SFI1: variants seen among roughly 807,000 people sequenced by gnomAD.
SFI1 encodes SFI1 centrin binding protein.
Under a neutral mutation model 207.5 loss-of-function variants are expected in SFI1, and 195 were observed. The ratio of observed to expected loss-of-function variants is 0.94; its 90% CI spans 0.84 to 1.06. The LOEUF (loss-of-function observed/expected upper bound fraction) is 1.06, where lower values mean the gene tolerates loss of function less well. SFI1 is among the 50% of genes least tolerant of loss of function. The pLI, the probability that SFI1 is intolerant of heterozygous loss-of-function variation, is 0.00. For missense variants in SFI1, 1,634 were observed against 1,588.0 expected (o/e 1.03, Z -0.49); for synonymous variants, 630 against 598.9 (o/e 1.05, Z -0.76).
At chr22:31,591,638 G>A (rs1487178611) in intron 15 of SFI1, among the ~76,000 whole-genome samples, 4 of 109,408 alleles carry the variant, frequency 3.7e-5, no homozygotes, top group South Asian at 3.2e-4. Context: ...GCGGCTGGCC[G>A]GGCGGGGGGC....
intron 7 of SFI1, among the ~76,000 whole-genome samples, chr22:31,557,845 A>G (rs2061324947): frequency 6.6e-6 from 1 of 152,182 alleles, no homozygotes; most frequent in African/African-American, 2.4e-5. Flanking sequence ...TTGTAGACAT[A>G]CTGGAAGAAC....
In SFI1 at chr22:31,529,003, G is replaced by C. The variant is rs2058209191; in HGVS notation, c.266+140G>C. The C allele has an allele frequency of 6.4e-6, 5 of 776,856 alleles. 1 individual carries two copies. Among genetic ancestry groups the C allele is most frequent in the Middle Eastern group, 7.9e-4 (2 of 2,520 alleles). 48.1% of individuals were successfully genotyped at this position (776,856 alleles called of 1,614,324 possible). ...CCTGTTCTTGGTAGTAGAATGTTCA[G>C]ATGAAAAGGATATTCAGGAACCTGC... On this transcript the variant is annotated intron_variant, in intron 3 of 32. Transcript: ENST00000400288.
chr22:31,584,185 G>A (rs1224314307), intron 13 of SFI1, among the ~76,000 whole-genome samples: 1 of 152,144 alleles, frequency 6.6e-6, no homozygotes, highest in African/African-American at 2.4e-5. Flanking sequence ...ATTGGTTCTT[G>A]GCCACCATAG....
At chr22:31,569,210 A>C (rs62237774) in intron 8 of SFI1, among the ~76,000 whole-genome samples, 9,150 of 152,234 alleles carry the variant, frequency 0.06, 269 homozygotes, top group African/African-American at 0.069. Flanking sequence ...TAGATCTAGG[A>C]AGCCATCACT....
chr22:31,579,655 T>C (rs905535845), intron 11 of SFI1, among the ~76,000 whole-genome samples: 19 of 152,194 alleles, frequency 1.2e-4, no homozygotes, highest in South Asian at 1.2e-3. Context: ...TCTCCTTCTG[T>C]TGGCCAGGCT....
At chr22:31,615,017 C>T in intron 28 of SFI1, 31 bp from the exon 29 acceptor site, 2 of 1,607,064 alleles carry the variant, frequency 1.2e-6, no homozygotes, top group African/African-American at 1.3e-5. Flanking sequence ...GTCCTGTGGC[C>T]TGACCAGGCT....
At chr22:31,561,079 G>A (rs13053428) in intron 7 of SFI1, among the ~76,000 whole-genome samples, 23,331 of 152,166 alleles carry the variant, frequency 0.15, 2,403 homozygotes, top group Non-Finnish European at 0.23. Flanking sequence ...GGATCTGACC[G>A]TAGGAACCAT....
At chr22:31,592,934 G>C (rs1251610085) in intron 15 of SFI1, among the ~76,000 whole-genome samples, 1 of 118,210 alleles carries the variant, frequency 8.5e-6, no homozygotes, top group Non-Finnish European at 1.8e-5. Context: ...AGGGGCGGCC[G>C]GGCAGAGGCG....
chr22:31,516,687 G>A (rs527844121), intron 2 of SFI1, among the ~76,000 whole-genome samples: 11 of 151,964 alleles, frequency 7.2e-5, no homozygotes, highest in South Asian at 2.1e-4. Flanking sequence ...AGGAGTGGTG[G>A]TTCATGCCTG....
At chr22:31,539,120 C>T (rs185453427) in intron 4 of SFI1, among the ~76,000 whole-genome samples, 5 of 152,276 alleles carry the variant, frequency 3.3e-5, no homozygotes, top group Middle Eastern at 3.4e-3. Flanking sequence ...AATCATGTTG[C>T]TTCAACCTTC....
At chr22:31,559,617 G>C (rs2061482255) in intron 7 of SFI1, 3 of 692,030 alleles carry the variant, frequency 4.3e-6, no homozygotes, top group South Asian at 4.1e-5. Context: ...ATAGTGTTGA[G>C]GAAAGCTGAC....
intron 15 of SFI1, among the ~76,000 whole-genome samples, chr22:31,595,535 C>T (rs1465799863): frequency 2.0e-5 from 3 of 152,196 alleles, no homozygotes; most frequent in Non-Finnish European, 4.4e-5. Context: ...CAGGTGCTTT[C>T]TTCTTGATCA....
intron 8 of SFI1, among the ~76,000 whole-genome samples, chr22:31,568,772 T>TC (rs1416717966): frequency 6.6e-6 from 1 of 151,938 alleles, no homozygotes; most frequent in Admixed American, 6.6e-5. Flanking sequence ...TTGGAAGGGT[T>TC]CCCAGGGCTT....
intron 7 of SFI1, chr22:31,559,923 G>T (rs770280496): frequency 3.4e-6 from 2 of 584,430 alleles, no homozygotes; most frequent in Admixed American, 2.6e-5. Context: ...ACCATGGGCG[G>T]GTCCAAGAAG....
chr22:31,575,463 G>C (rs896463729), intron 10 of SFI1, 71 bp downstream of exon 10: 5 of 1,411,528 alleles, frequency 3.5e-6, no homozygotes, highest in Non-Finnish European at 4.7e-6. Flanking sequence ...CATGTGAAAC[G>C]AAAGTCATGA....
chr22:31,568,210 GTATATATATATA>G lies in SFI1; in HGVS notation c.766-4842_766-4831del, dbSNP rs1158605358. ...GTGTGTGTGTTGTGTGTGTGTGTGT[GTATATATATATA>G]TATATTTTTTTTTTTTTACCATAAA... On this transcript the variant is annotated intron_variant, in intron 8 of 32. Coordinates refer to ENST00000400288, the MANE Select transcript of SFI1 (RefSeq NM_001007467.3). Among the ~76,000 whole-genome samples, 167 of 114,590 alleles carry G rather than the reference GTATATATATATA, an allele frequency of 1.5e-3. 1 individual carries two copies. Among genetic ancestry groups the G allele is most frequent in the African/African-American group, 4.3e-3 (136 of 31,564 alleles). 75.2% of individuals were successfully genotyped at this position (114,590 alleles called of 152,430 possible). A position where few individuals can be genotyped will look rare whatever the true frequency, so the allele number is the denominator to read the frequency against.
At chr22:31,566,348 C>T (rs1207455455) in intron 8 of SFI1, among the ~76,000 whole-genome samples, 2 of 150,734 alleles carry the variant, frequency 1.3e-5, no homozygotes. Context: ...CTGCCTCTGC[C>T]TCCCAAAGTG....
Position 31,550,328 on chromosome 22 carries a change from A to G in SFI1, c.524A>G (p.Tyr175Cys), listed in dbSNP as rs1358516172. The change falls in exon 6 of 33, where the codon TAC becomes TGC. Residue 175 changes from tyrosine (Y) to cysteine (C), a missense_variant. Coordinates refer to ENST00000400288, the MANE Select transcript of SFI1 (RefSeq NM_001007467.3). ...CAGCAGCAGGAGATGAGGAACAAGT[A>G]CATTAGAGCCGAGGTTCATGGTGAG... Reference protein sequence around the residue: ...VRQQQEMRNKYIRAEVHDAKQ... With the variant: ...VRQQQEMRNKCIRAEVHDAKQ... 2.5e-6 allele frequency: 4 copies of G among 1,614,170 alleles called. No individual in the cohort carries two copies. The highest frequency in any genetic ancestry group is 3.4e-6 in the Non-Finnish European group (4 of 1,179,998).
At chr22:31,574,434 C>A (rs1351043187) in intron 9 of SFI1, among the ~76,000 whole-genome samples, 1 of 152,196 alleles carries the variant, frequency 6.6e-6, no homozygotes, top group Non-Finnish European at 1.5e-5. Flanking sequence ...CATTATCTGA[C>A]TAGCATTAAA....
Sources: gnomAD v4.1 joint callset for allele counts (sites outside exome capture counted in the v4.1 genomes callset) on GRCh38, gnomAD v4.1.1 for gene constraint, MANE v1.5 for transcripts, NCBI Gene and HGNC (gene_info 2026-07-23, HGNC 2026-07-21) for gene names.